The following OTOF variants were observed in gnomAD, a reference collection of about 807,000 sequenced individuals.
OTOF encodes the protein fer-1-like family member 2.
In OTOF, 218 loss-of-function variants were observed where a neutral mutation model predicts 236.8. The ratio of observed to expected loss-of-function variants is 0.92; its 90% CI spans 0.82 to 1.03. OTOF has a LOEUF of 1.03. Among genes scored for constraint, OTOF ranks in the 50% least tolerant of loss-of-function variants. The pLI is 0.00. For synonymous variants in OTOF, 1,041 were observed against 1,072.5 expected, an observed-to-expected ratio of 0.97 and a Z score of 0.57; for missense variants, 2,590 against 2,694.4, an observed-to-expected ratio of 0.96 and a Z score of 0.86.
At chr2:26,467,311 C>G in intron 34 of OTOF, 54 bp downstream of exon 34, 2 of 1,613,528 alleles carry the variant, frequency 1.2e-6, no homozygotes, top group Non-Finnish European at 1.7e-6. Context: ...GATCACTGCG[C>G]CCCCCTCTTC....
Position 26,474,109 on chromosome 2 carries a change from A to C in OTOF, c.3290T>G (p.Ile1097Ser). The C allele has an allele frequency of 1.2e-6, 2 of 1,612,828 alleles. No individual in the cohort carries two copies. The highest frequency in any genetic ancestry group is 1.7e-6 in the Non-Finnish European group (2 of 1,179,820). ...DLLAAFELLQ[I>S]GPAGKADLPP... ...CAGGTCAGCCTTCCCTGCTGGTCCA[A>C]TCTGGGGAATGGGGGTCACAGGTCA... Residue 1097 changes from isoleucine (I) to serine (S), a missense_variant and splice_region_variant, in exon 27 of 47, where the codon ATT becomes AGT. Ile to Ser is a moderately radical substitution (Grantham distance 142). This residue lies in a region of OTOF where 1,211 missense variants were observed against 1,352.8 expected (regional missense o/e 0.90). Coordinates refer to ENST00000272371, the MANE Select transcript of OTOF (RefSeq NM_194248.3).
Position 26,475,956 on chromosome 2 carries a change from G to T in OTOF, c.2949C>A (p.Pro983=). 6.2e-7 allele frequency: 1 copy of T among 1,612,124 alleles called. No homozygotes were observed. The highest frequency in any genetic ancestry group is 8.5e-7 in the Non-Finnish European group (1 of 1,179,670). ...FAADSSGLSD[P]FARVFFINQS... is the part of the protein sequence containing the mutation. ...GATTGATGAAGAAGACGCGGGCAAAGGGGTCTGAGAGTCCGCTGCTGTCGG... is the reference window on the plus strand; with the variant it reads ...GATTGATGAAGAAGACGCGGGCAAATGGGTCTGAGAGTCCGCTGCTGTCGG... Residue 983 remains proline (P), a synonymous_variant, in exon 24 of 47, where the codon CCC becomes CCA. Transcript: ENST00000272371.
intron 33 of OTOF, among the ~76,000 whole-genome samples, chr2:26,467,746 G>C (rs1363161993): frequency 6.6e-6 from 1 of 152,220 alleles, no homozygotes; most frequent in East Asian, 1.9e-4. Flanking sequence ...GGGCAGGAAG[G>C]AGCATGGGTT....
Position 26,512,449 on chromosome 2 carries a change from G to A in OTOF, c.509+3969C>T, listed in dbSNP as rs75486889. Among the ~76,000 whole-genome samples, 687 of 152,332 alleles carry A rather than the reference G, an allele frequency of 4.5e-3. 6 individuals carry two copies. The highest frequency in any genetic ancestry group is 0.016 in the African/African-American group (651 of 41,588). On this transcript the variant is annotated intron_variant, in intron 5 of 46. Transcript: ENST00000272371. ...ATGTGTGTGCATGTGAGTGTGGTCA[G>A]GGCCGAAGTCACTTTCTCTCCAGAG...
intron 1 of OTOF, among the ~76,000 whole-genome samples, chr2:26,547,710 C>T (rs944592267): frequency 1.3e-5 from 2 of 151,980 alleles, no homozygotes; most frequent in South Asian, 2.1e-4. Context: ...GTGGCACCTG[C>T]GTGTAGTCTC....
intron 15 of OTOF, 60 bp downstream of exon 15, chr2:26,480,725 CT>C: frequency 2.8e-6 from 4 of 1,404,304 alleles, no homozygotes; most frequent in Non-Finnish European, 4.0e-6. Flanking sequence ...ACCCAGGTGA[CT>C]CAGGGAGAAG....
rs747079177 is a variant in OTOF, at chr2:26,470,563, C to A, written c.4023+30G>T. 3.1e-6 allele frequency: 5 copies of A among 1,607,480 alleles called. No individual in the cohort carries two copies. The South Asian group carries it at 5.5e-5, about 18-fold the overall frequency. On this transcript the variant is annotated intron_variant, in intron 32 of 46. Transcript: ENST00000272371. This position sits in a 1 kb window ranked among gnomAD's most constrained non-coding sequence, Gnocchi z 4.3. ...AGGAGGGTCTGAGTGTGGAGGGGGT[C>A]ACCTCCCCTCACCCTACCCGAGGTC...
rs1376490416 is a variant in OTOF at position 26,479,320 on chromosome 2, C to A, written c.2158G>T (p.Asp720Tyr). The A allele has an allele frequency of 1.2e-6, 2 of 1,612,354 alleles. No homozygotes were observed. Among genetic ancestry groups the A allele is most frequent in the South Asian group, 2.2e-5 (2 of 90,980 alleles). The change falls in exon 18 of 47, where the codon GAC (aspartate) becomes TAC (tyrosine). Residue 720 changes from aspartate (D) to tyrosine (Y), a missense_variant. By Grantham distance (160) the Asp-to-Tyr change is radical. Around this residue, in one of 2 missense-constraint regions of OTOF, gnomAD observed 1,379 missense variants for 1,341.6 expected, o/e 1.03. Coordinates refer to ENST00000272371, the MANE Select transcript of OTOF (RefSeq NM_194248.3). ...PCIYIKSWWP[D>Y]QRRRLYNANI... ...GCATTGTAGAGGCGGCGGCGCTGGT[C>A]CGGCCACCAGCTCTTGATGTAGATG...
chr2:26,496,900 A>G (rs941586888), intron 8 of OTOF, among the ~76,000 whole-genome samples: 2 of 152,066 alleles, frequency 1.3e-5, no homozygotes, highest in Non-Finnish European at 1.5e-5. Flanking sequence ...TGCATCCTAA[A>G]CAGCAGAAAG....
chr2:26,514,732 G>A (rs1379870764), intron 5 of OTOF, among the ~76,000 whole-genome samples: 1 of 152,188 alleles, frequency 6.6e-6, no homozygotes, highest in African/African-American at 2.4e-5. Context: ...CCAATGAGTG[G>A]CACAGTCAAG....
chr2:26,465,612 T>C, intron 38 of OTOF, 60 bp downstream of exon 38: 2 of 1,551,594 alleles, frequency 1.3e-6, no homozygotes, highest in Non-Finnish European at 8.9e-7. Flanking sequence ...CTGAATCTCA[T>C]TTTAGAGTGG....
intron 33 of OTOF, 145 bp downstream of exon 33, chr2:26,468,263 C>T (rs114005871): frequency 5.5e-6 from 4 of 733,282 alleles, no homozygotes; most frequent in Non-Finnish European, 7.5e-6. Flanking sequence ...CAGTACTGCC[C>T]ATGGATTACT....
chr2:26,482,112 A>G (rs762807165), intron 14 of OTOF, among the ~76,000 whole-genome samples: 1 of 152,204 alleles, frequency 6.6e-6, no homozygotes, highest in Non-Finnish European at 1.5e-5. Context: ...ATATCATACT[A>G]TAATTATCAT....
chr2:26,480,255 T>C lies in OTOF; in HGVS notation c.1860A>G (p.Ser620=), dbSNP rs1251943114. 1.9e-6 allele frequency: 3 copies of C among 1,613,196 alleles called. No homozygotes were observed. The South Asian group carries it at 3.3e-5, about 18-fold the overall frequency. Residue 620 remains serine, a synonymous_variant, in exon 16 of 47, where the codon TCA becomes TCG. Transcript: ENST00000272371. ...TGTCTCCGTTTCTCCGGTCGATCAT[T>C]GAGGCCTCCAGGAAGGCTCCAAAGA... ...FFLFGAFLEA[S]MIDRRNGDKP...
intron 8 of OTOF, among the ~76,000 whole-genome samples, chr2:26,497,086 CTTCTTTTTTTTTTTT>C (rs1405289838): frequency 2.0e-5 from 2 of 100,154 alleles, no homozygotes; most frequent in African/African-American, 7.3e-5. Context: ...TCTGTACATT[CTTCTTTTTTTTTTTT>C]TTTTTTTTTT....
Position 26,458,137 on chromosome 2 carries a change from A to G in OTOF, c.*101T>C. On this transcript the variant is annotated 3_prime_UTR_variant, in exon 47 of 47. Transcript: ENST00000272371. ...CAACAGCGCCAGCACGATCTTGATG[A>G]TGAGCCACTTGTACCGGGTGCAGAT... 6.2e-7 allele frequency: 1 copy of G among 1,614,140 alleles called. No individual in the cohort carries two copies.
At chr2:26,541,457 T>C (rs1466224958) in intron 1 of OTOF, among the ~76,000 whole-genome samples, 1 of 152,122 alleles carries the variant, frequency 6.6e-6, no homozygotes. Flanking sequence ...CTGAAACACA[T>C]CAATCATACA....
intron 2 of OTOF, among the ~76,000 whole-genome samples, chr2:26,535,416 A>T (rs1270242410): frequency 1.3e-5 from 2 of 152,088 alleles, no homozygotes; most frequent in East Asian, 3.9e-4. Context: ...CCATCTTCCC[A>T]CGGGGCTCCC....
Position 26,472,691 on chromosome 2 carries a change from C to G in OTOF, c.3734-42G>C, listed in dbSNP as rs763071697. On this transcript the variant is annotated intron_variant, in intron 29 of 46. Coordinates refer to ENST00000272371, the MANE Select transcript of OTOF (RefSeq NM_194248.3). The stretch of plus-strand genomic sequence containing the variant: ...ATGGACAGACAGGCAGAGGAAGGAG[C>G]AAGAGGAACAGTGAGATTGGCGGGG... 2.0e-5 allele frequency: 32 copies of G among 1,606,280 alleles called. 2 individuals are homozygous for G. In the South Asian group the frequency reaches 3.5e-4, roughly 18 times the overall value.
Sources: allele counts gnomAD v4.1 joint callset (sites outside exome capture counted in the v4.1 genomes callset), GRCh38; gene constraint gnomAD v4.1.1; regional missense constraint gnomAD v4.1.1; non-coding constraint Gnocchi (gnomAD v3.1); transcripts MANE v1.5; gene names NCBI Gene and HGNC (gene_info 2026-07-23, HGNC 2026-07-21).